MKKS: variants seen among roughly 807,000 people sequenced by gnomAD.
MKKS encodes MKKS centrosomal shuttling protein.
Under a neutral mutation model 33.2 loss-of-function variants are expected in MKKS, and 29 were observed. The ratio of observed to expected loss-of-function variants is 0.87; its 90% CI spans 0.65 to 1.19. The LOEUF (loss-of-function observed/expected upper bound fraction) is 1.19, where lower values mean the gene tolerates loss of function less well. Among genes scored for constraint, MKKS ranks in the 50% most tolerant of loss-of-function variants. The pLI, the probability that MKKS is intolerant of heterozygous loss-of-function variation, is 0.00. For missense variants in MKKS, 661 were observed against 662.3 expected (o/e 1.00, Z 0.02); for synonymous variants, 260 against 244.0 (o/e 1.07, Z -0.61).
At chr20:10,425,207 AC>A (rs1472199371) in intron 1 of MKKS, among the ~76,000 whole-genome samples, 1 of 152,234 alleles carries the variant, frequency 6.6e-6, no homozygotes, top group Non-Finnish European at 1.5e-5. Context: ...ATCATGATAC[AC>A]ATGCTGTTTT....
chr20:10,426,411 C>A (rs77641031), intron 1 of MKKS, among the ~76,000 whole-genome samples: 1 of 112,384 alleles, frequency 8.9e-6, no homozygotes, highest in Non-Finnish European at 1.8e-5. Context: ...GCATGTTGTT[C>A]TTTTTTCTTT....
At chr20:10,433,403 C>T (rs2065069411) in intron 1 of MKKS, among the ~76,000 whole-genome samples, 1 of 152,220 alleles carries the variant, frequency 6.6e-6, no homozygotes, top group Admixed American at 6.5e-5. Context: ...AACATGGAGT[C>T]AGGACCGTGC....
chr20:10,432,789 CAAAAAAAA>C (rs71184200), intron 1 of MKKS, among the ~76,000 whole-genome samples: 7,489 of 74,646 alleles, frequency 0.1, 300 homozygotes, highest in Middle Eastern at 0.19. Flanking sequence ...GACTCTTTGT[CAAAAAAAA>C]AAAAAAAAAA....
intron 1 of MKKS, among the ~76,000 whole-genome samples, chr20:10,426,486 G>A (rs539458856): frequency 2.1e-4 from 32 of 152,124 alleles, no homozygotes; most frequent in South Asian, 1.5e-3. Flanking sequence ...GCTCACCTCC[G>A]CATGCCAGAT....
At chr20:10,427,931 T>G (rs915423606) in intron 1 of MKKS, among the ~76,000 whole-genome samples, 2 of 152,252 alleles carry the variant, frequency 1.3e-5, no homozygotes, top group African/African-American at 4.8e-5. Flanking sequence ...GCTAACAGCG[T>G]AACTGAGTCA....
chr20:10,427,610 G>T (rs2065024902), intron 1 of MKKS, among the ~76,000 whole-genome samples: 1 of 152,176 alleles, frequency 6.6e-6, no homozygotes, highest in Non-Finnish European at 1.5e-5. Context: ...ACAGCAGTTT[G>T]AATTGTGGCA....
rs1469940686 is a variant in MKKS, at chr20:10,412,747, T to A, written c.768A>T (p.Gly256=). The A allele has an allele frequency of 6.2e-7, 1 of 1,614,134 alleles. No individual in the cohort carries two copies. Among genetic ancestry groups the A allele is most frequent in the Non-Finnish European group, 8.5e-7 (1 of 1,180,018 alleles). The change falls in exon 3 of 6, where the codon GGA becomes GGT. Residue 256 remains glycine, a synonymous_variant. Transcript: ENST00000347364. ...CATAACTGACCACCACAGTTCCTTC[T>A]CCAGTGTCAGAAGTGTCTCCGGATA... ...TTLSGDTSDT[G]EGTVVVSYGV...
In MKKS at chr20:10,412,946, G is replaced by A; in HGVS notation, c.569C>T (p.Ala190Val). ...RAFLLTIPEN[A>V]EGHIILGKSL... is the part of the protein sequence containing the mutation. ...CTTTCCTAAAATGATGTGGCCTTCA[G>A]CATTTTCTGGAATTGTAAGCAAAAA... is the stretch of plus-strand genomic sequence containing the variant. The change falls in exon 3 of 6, where the codon GCT becomes GTT. Residue 190 changes from alanine to valine, a missense_variant. Coordinates refer to ENST00000347364, the MANE Select transcript of MKKS (RefSeq NM_170784.3). 1 of 1,613,808 alleles carries A rather than the reference G, an allele frequency of 6.2e-7. No homozygotes were observed. The highest frequency in any genetic ancestry group is 8.5e-7 in the Non-Finnish European group (1 of 1,179,898).
At chr20:10,427,385 C>T (rs2065022942) in intron 1 of MKKS, among the ~76,000 whole-genome samples, 1 of 152,136 alleles carries the variant, frequency 6.6e-6, no homozygotes, top group Non-Finnish European at 1.5e-5. Context: ...AAAACTTCCA[C>T]TGAATGTAAT....
intron 1 of MKKS, among the ~76,000 whole-genome samples, chr20:10,426,821 A>T (rs1261169454): frequency 6.6e-6 from 1 of 152,234 alleles, no homozygotes; most frequent in African/African-American, 2.4e-5. Context: ...ATTAGAGGGC[A>T]AAAGAGTCTA....
In MKKS at chr20:10,413,336, G is replaced by A. The variant is rs1447535655; in HGVS notation, c.179C>T (p.Ser60Phe). Residue 60 changes from serine to phenylalanine, a missense_variant, in exon 3 of 6, where the codon TCC (serine) becomes TTC (phenylalanine). Coordinates refer to ENST00000347364, the MANE Select transcript of MKKS (RefSeq NM_170784.3). ...FGGYVCTTSQ[S>F]SALLSHLLVT... Reference sequence around the variant, plus strand: ...CAAAAGGTGACTGAGCAGAGCTGAGGACTGTGAGGTTGTACACACGTAACC... The same window carrying A: ...CAAAAGGTGACTGAGCAGAGCTGAGAACTGTGAGGTTGTACACACGTAACC... The A allele has an allele frequency of 6.2e-7, 1 of 1,614,168 alleles. No individual in the cohort carries two copies. The highest frequency in any genetic ancestry group is 1.3e-5 in the African/African-American group (1 of 75,052).
At position 10,413,560 on chromosome 20, in the gene MKKS, C is replaced by T; in HGVS notation, c.-46G>A. On this transcript the variant is annotated 5_prime_UTR_variant, in exon 3 of 6. An upstream open reading frame in the 5' UTR gains an earlier in-frame stop. Transcript: ENST00000347364. The stretch of plus-strand genomic sequence containing the variant: ...GTGAAGACCGTTTTTATTTTGTAAA[C>T]CACATTTTTCTATTTATTGCATTAT... 6.3e-7 allele frequency: 1 copy of T among 1,598,110 alleles called. No homozygotes were observed. The highest frequency in any genetic ancestry group is 1.7e-5 in the Admixed American group (1 of 59,876).
chr20:10,433,005 G>A (rs1728101321), intron 1 of MKKS, among the ~76,000 whole-genome samples: 1 of 152,114 alleles, frequency 6.6e-6, no homozygotes, highest in Non-Finnish European at 1.5e-5. Flanking sequence ...CCCCCAGAAT[G>A]TTTTTATTTA....
At chr20:10,415,817 T>G (rs2064934226) in intron 2 of MKKS, among the ~76,000 whole-genome samples, 1 of 152,218 alleles carries the variant, frequency 6.6e-6, no homozygotes, top group African/African-American at 2.4e-5. Context: ...CTGTCAGTCT[T>G]ACAGTAGTGA....
intron 1 of MKKS, among the ~76,000 whole-genome samples, chr20:10,421,167 C>G (rs149557323): frequency 6.6e-6 from 1 of 152,054 alleles, no homozygotes; most frequent in East Asian, 1.9e-4. Context: ...TGGTGGCTCA[C>G]GCCTGTATTC....
At chr20:10,424,106 G>A (rs2064998671) in intron 1 of MKKS, among the ~76,000 whole-genome samples, 2 of 152,080 alleles carry the variant, frequency 1.3e-5, no homozygotes, top group Admixed American at 1.3e-4. Context: ...TATTTTTAGA[G>A]TTTTCATTTA....
At chr20:10,407,870 ATG>A in intron 4 of MKKS, 144 bp from the exon 5 acceptor site, 2 of 706,040 alleles carry the variant, frequency 2.8e-6, no homozygotes, top group South Asian at 3.1e-5. Flanking sequence ...CAAGGTTGTC[ATG>A]TGATTAATAC....
At chr20:10,419,342 T>C (rs1347824316) in intron 2 of MKKS, among the ~76,000 whole-genome samples, 4 of 152,132 alleles carry the variant, frequency 2.6e-5, no homozygotes, top group African/African-American at 9.7e-5. Context: ...ATAAATACAA[T>C]ATAGTGTATA....
chr20:10,409,845 C>CTTG, intron 3 of MKKS, among the ~76,000 whole-genome samples: 1 of 151,782 alleles, frequency 6.6e-6, no homozygotes, highest in East Asian at 1.9e-4. Flanking sequence ...GTGGCAGGTG[C>CTTG]TTGTAATCCC....
Sources: allele counts gnomAD v4.1 joint callset (sites outside exome capture counted in the v4.1 genomes callset), GRCh38; gene constraint gnomAD v4.1.1; transcripts MANE v1.5; gene names NCBI Gene and HGNC (gene_info 2026-07-23, HGNC 2026-07-21).